Variants in CLIC4 observed in about 807,000 individuals in gnomAD.
CLIC4 encodes chloride intracellular channel protein 4.
CLIC4 carries 13 observed loss-of-function variants against 24.6 expected under a neutral mutation model. The observed-to-expected ratio is 0.53, with a 90% CI of 0.34 to 0.84. The LOEUF is 0.84. Among genes scored for constraint, CLIC4 ranks in the 40% least tolerant of loss-of-function variants. CLIC4 has a pLI of 0.01. For synonymous variants in CLIC4, 104 were observed against 111.3 expected (o/e 0.93, Z 0.41); for missense variants, 227 against 301.7 (o/e 0.75, Z 1.83).
chr1:24,840,792 G>T lies in CLIC4; in HGVS notation c.617G>T (p.Arg206Leu). ...HIVKVVAKKY[R>L]NFDIPKEMTG... ...TTTCAGGTGGTGGCCAAAAAATATC[G>T]CAACTTTGATATTCCAAAAGAAATG... Residue 206 changes from arginine to leucine, a missense_variant, in exon 6 of 6, where the codon CGC becomes CTC. By Grantham distance (102) the Arg-to-Leu change is moderately radical (BLOSUM62 -2). Coordinates refer to ENST00000374379, the MANE Select transcript of CLIC4 (RefSeq NM_013943.3). 1 of 1,603,784 alleles carries T rather than the reference G, an allele frequency of 6.2e-7. No homozygotes were observed. The highest frequency in any genetic ancestry group is 8.5e-7 in the Non-Finnish European group (1 of 1,175,590).
At chr1:24,784,768 G>A (rs900943922) in intron 1 of CLIC4, among the ~76,000 whole-genome samples, 3 of 152,240 alleles carry the variant, frequency 2.0e-5, no homozygotes, top group Admixed American at 6.5e-5. Flanking sequence ...CACTTTGGGA[G>A]GCCGAGGCAG....
At chr1:24,826,039 A>G (rs1639784560) in intron 3 of CLIC4, among the ~76,000 whole-genome samples, 1 of 152,234 alleles carries the variant, frequency 6.6e-6, no homozygotes, top group Non-Finnish European at 1.5e-5. Context: ...TCCTAAAGGG[A>G]AGATGAATAA....
rs1013304406 is a variant in CLIC4, at chr1:24,816,241, T to TG, written c.308+2022_308+2023insG. Reference sequence around the variant, plus strand: ...TGAATCATGAATGTTCGTGTTTTTTTTTTTTTTTTTTTTTTGGACGGAGTT... The same window carrying TG: ...TGAATCATGAATGTTCGTGTTTTTTTGTTTTTTTTTTTTTTTGGACGGAGTT... On this transcript the variant is annotated intron_variant, in intron 3 of 5. Transcript: ENST00000374379. Among the ~76,000 whole-genome samples the TG allele has an allele frequency of 1.1e-4, 16 of 145,350 alleles. No individual in the cohort carries two copies. In the South Asian group the frequency reaches 2.7e-3, roughly 25 times the overall value.
chr1:24,808,011 C>T (rs1471611559), intron 2 of CLIC4, among the ~76,000 whole-genome samples: 1 of 150,840 alleles, frequency 6.6e-6, no homozygotes, highest in Non-Finnish European at 1.5e-5. Context: ...AATGCAATGG[C>T]ACAATCTCAG....
At chr1:24,809,283 C>A (rs1380202877) in intron 2 of CLIC4, among the ~76,000 whole-genome samples, 2 of 151,968 alleles carry the variant, frequency 1.3e-5, no homozygotes, top group African/African-American at 4.8e-5. Context: ...TTAAATAAAT[C>A]TTTGTTTCTT....
At chr1:24,791,190 G>C (rs991113874) in intron 1 of CLIC4, among the ~76,000 whole-genome samples, 4 of 152,108 alleles carry the variant, frequency 2.6e-5, no homozygotes, top group Non-Finnish European at 4.4e-5. Context: ...ACTTTTCTCA[G>C]ATGCTATTGT....
chr1:24,792,801 G>C (rs1290897027), intron 1 of CLIC4, among the ~76,000 whole-genome samples: 1 of 152,184 alleles, frequency 6.6e-6, no homozygotes, highest in African/African-American at 2.4e-5. Context: ...TTTAGAGAAA[G>C]GAGGCAGTCA....
intron 5 of CLIC4, 104 bp downstream of exon 5, chr1:24,840,145 T>A: frequency 9.1e-7 from 1 of 1,099,820 alleles, no homozygotes; most frequent in Non-Finnish European, 1.3e-6. Flanking sequence ...ATATGACTAG[T>A]TGTTTAACTC....
intron 1 of CLIC4, among the ~76,000 whole-genome samples, chr1:24,745,847 C>G (rs1638686350): frequency 6.6e-6 from 1 of 151,534 alleles, no homozygotes; most frequent in African/African-American, 2.4e-5. Context: ...CGGCGGCCAC[C>G]GTCTCCAGCG....
chr1:24,748,417 T>A (rs1638732394), intron 1 of CLIC4, among the ~76,000 whole-genome samples: 1 of 151,716 alleles, frequency 6.6e-6, no homozygotes, highest in African/African-American at 2.4e-5. Flanking sequence ...CTTGTTTGTC[T>A]CATTTGTGAA....
intron 4 of CLIC4, among the ~76,000 whole-genome samples, chr1:24,836,310 G>T (rs780052591): frequency 6.6e-6 from 1 of 151,880 alleles, no homozygotes; most frequent in Non-Finnish European, 1.5e-5. Context: ...AGAATCAACC[G>T]CAAAAGGAAA....
intron 3 of CLIC4, among the ~76,000 whole-genome samples, chr1:24,826,034 A>C (rs1272867907): frequency 6.6e-6 from 1 of 152,218 alleles, no homozygotes; most frequent in Non-Finnish European, 1.5e-5. Flanking sequence ...AGTCCTCCTA[A>C]AGGGAAGATG....
intron 1 of CLIC4, among the ~76,000 whole-genome samples, chr1:24,779,033 A>G (rs1400263488): frequency 6.6e-6 from 1 of 152,246 alleles, no homozygotes; most frequent in Non-Finnish European, 1.5e-5. Flanking sequence ...ATATTTAAGC[A>G]GTTTAACATT....
At chr1:24,775,224 C>CTTTTTTTTTTTTTTTTTTTTTTTTTT in intron 1 of CLIC4, among the ~76,000 whole-genome samples, 8 of 90,664 alleles carry the variant, frequency 8.8e-5, no homozygotes, top group South Asian at 4.2e-4. Flanking sequence ...TTCTTTCTTT[C>CTTTTTTTTTTTTTTTTTTTTTTTTTT]TTTTTTTTTT....
At chr1:24,807,306 T>TA (rs1389068144) in intron 2 of CLIC4, among the ~76,000 whole-genome samples, 1 of 151,976 alleles carries the variant, frequency 6.6e-6, no homozygotes, top group African/African-American at 2.4e-5. Flanking sequence ...TTGAGACTGT[T>TA]ACAAATAAAT....
In CLIC4 at chr1:24,756,201, G is replaced by A. The variant is rs562267669; in HGVS notation, c.72+10576G>A. Among the ~76,000 whole-genome samples the A allele has an allele frequency of 4.3e-4, 65 of 152,148 alleles. 1 individual carries two copies. Among genetic ancestry groups the A allele is most frequent in the South Asian group, 4.1e-4 (2 of 4,826 alleles). On this transcript the variant is annotated intron_variant, in intron 1 of 5. Transcript: ENST00000374379. ...TTTCTAGTAGAGACGGGGTTTCACC[G>A]TGTTAGCTAGGATGGTCTTGATCTC...
chr1:24,791,984 G>A (rs1376249225), intron 1 of CLIC4, among the ~76,000 whole-genome samples: 2 of 151,080 alleles, frequency 1.3e-5, no homozygotes, highest in East Asian at 3.9e-4. Flanking sequence ...GGGAGGTAGA[G>A]GTTGCAATGA....
rs558618944 is a variant in CLIC4, at chr1:24,763,282, G to A, written c.72+17657G>A. Reference sequence around the variant, plus strand: ...TGGCTGGGCATGCTGGCTCACTCCTGTAATCCCAGCACTTTGGGAGGCTGT... The same window carrying A: ...TGGCTGGGCATGCTGGCTCACTCCTATAATCCCAGCACTTTGGGAGGCTGT... On this transcript the variant is annotated intron_variant, in intron 1 of 5. Transcript: ENST00000374379. 3.3e-5 allele frequency among the ~76,000 whole-genome samples: 5 copies of A among 152,214 alleles called. No homozygotes were observed. The South Asian group carries it at 1.0e-3, about 32-fold the overall frequency.
intron 3 of CLIC4, among the ~76,000 whole-genome samples, chr1:24,818,478 GGTTCCACC>G (rs1171440674): frequency 1.7e-4 from 26 of 152,160 alleles, no homozygotes; most frequent in African/African-American, 6.0e-4. Context: ...GTGGAGATGG[GGTTCCACC>G]ATGTTGGCCA....
Sources: gnomAD v4.1 joint callset for allele counts (sites outside exome capture counted in the v4.1 genomes callset) on GRCh38, gnomAD v4.1.1 for gene constraint, MANE v1.5 for transcripts, NCBI Gene and HGNC (gene_info 2026-07-23, HGNC 2026-07-21) for gene names.